The following UBL3 variants were observed in gnomAD, a reference collection of about 807,000 sequenced individuals.
UBL3 encodes ubiquitin like 3.
A neutral mutation model predicts 18.4 loss-of-function variants in UBL3; 6 were observed. That is an observed-to-expected ratio of 0.33 (90% CI 0.18 to 0.64). The LOEUF (loss-of-function observed/expected upper bound fraction) is 0.64, where lower values mean the gene tolerates loss of function less well. Ranked by LOEUF, UBL3 falls within the 30% of genes least tolerant of loss-of-function variation. UBL3 has a pLI of 0.76. For synonymous variants in UBL3, 49 were observed against 46.6 expected (o/e 1.05, Z -0.21); for missense variants, 109 against 142.9 (o/e 0.76, Z 1.21).
intron 1 of UBL3, among the ~76,000 whole-genome samples, chr13:29,780,367 A>AAAAAAAAAATATAT (rs1359464345): frequency 3.0e-4 from 31 of 103,296 alleles, no homozygotes; most frequent in East Asian, 1.5e-3. Flanking sequence ...AAAAAAAAAA[A>AAAAAAAAAATATAT]ATATATATAT....
Position 29,849,651 on chromosome 13 carries a change from T to C in UBL3, c.-113A>G. 1.5e-6 allele frequency: 2 copies of C among 1,370,408 alleles called. No individual in the cohort carries two copies. Among genetic ancestry groups the C allele is most frequent in the Non-Finnish European group, 2.0e-6 (2 of 981,168 alleles). 84.9% of individuals were successfully genotyped at this position (1,370,408 alleles called of 1,614,324 possible). A position where few individuals can be genotyped will look rare whatever the true frequency, so the allele number is the denominator to read the frequency against. The stretch of plus-strand genomic sequence containing the variant: ...CGATTTTGACTGGTTCGTGATGTGC[T>C]TTCTCCCCCAAAAATAAAGTTATTT... On this transcript the variant is annotated 5_prime_UTR_variant, in exon 1 of 5. Coordinates refer to ENST00000380680, the MANE Select transcript of UBL3 (RefSeq NM_007106.4).
At chr13:29,776,234 T>G (rs142957941) in intron 2 of UBL3, among the ~76,000 whole-genome samples, 1 of 141,878 alleles carries the variant, frequency 7.0e-6, no homozygotes, top group Admixed American at 7.1e-5. Flanking sequence ...CTATTTTGTG[T>G]TTTTTTTTCT....
At chr13:29,805,206 CTA>C (rs1358521954) in intron 1 of UBL3, among the ~76,000 whole-genome samples, 4 of 152,100 alleles carry the variant, frequency 2.6e-5, no homozygotes, top group Non-Finnish European at 5.9e-5. Flanking sequence ...AAACATACAC[CTA>C]TATCAAACTA....
In UBL3 at chr13:29,788,870, T is replaced by TGC. The variant is rs1555232763; in HGVS notation, c.28-11609_28-11608dup. ...GTGTGTGTGTGTGTGTGTGTGTGTGTGCGCGCGCGCGCGCACGCGCACGTG... is the reference window on the plus strand; with the variant it reads ...GTGTGTGTGTGTGTGTGTGTGTGTGTGCGCGCGCGCGCGCGCACGCGCACGTG... On this transcript the variant is annotated intron_variant, in intron 1 of 4. Coordinates refer to ENST00000380680, the MANE Select transcript of UBL3 (RefSeq NM_007106.4). Among the ~76,000 whole-genome samples, 28 of 20,926 alleles carry TGC rather than the reference T, an allele frequency of 1.3e-3. 1 individual carries two copies. The highest frequency in any genetic ancestry group is 0.036 in the Middle Eastern group (1 of 28). The allele number at this position is 20,926 out of a possible 152,430, so 13.7% of individuals were successfully genotyped here.
intron 1 of UBL3, among the ~76,000 whole-genome samples, chr13:29,782,793 A>AT (rs1718316499): frequency 6.6e-6 from 1 of 152,252 alleles, no homozygotes; most frequent in African/African-American, 2.4e-5. Context: ...GTGTAAATAC[A>AT]TAAGTCTAAA....
At chr13:29,777,613 T>A in intron 1 of UBL3, 1 of 244,238 alleles carries the variant, frequency 4.1e-6, no homozygotes, top group South Asian at 4.8e-5. Flanking sequence ...TACCCAAAAA[T>A]TAATAAAAAT....
At chr13:29,839,414 A>C (rs1359361935) in intron 1 of UBL3, among the ~76,000 whole-genome samples, 1 of 152,212 alleles carries the variant, frequency 6.6e-6, no homozygotes, top group Non-Finnish European at 1.5e-5. Flanking sequence ...AATATACAAC[A>C]AACTTGTAAG....
At chr13:29,800,049 T>C (rs1290198914) in intron 1 of UBL3, among the ~76,000 whole-genome samples, 3 of 152,220 alleles carry the variant, frequency 2.0e-5, no homozygotes, top group African/African-American at 7.2e-5. Context: ...GGGATGACTA[T>C]ACTAACATCC....
chr13:29,769,040 A>G (rs1220385794), intron 3 of UBL3, among the ~76,000 whole-genome samples: 1 of 152,040 alleles, frequency 6.6e-6, no homozygotes, highest in Non-Finnish European at 1.5e-5. Flanking sequence ...TGTTTCCTCA[A>G]CTAAACTGGA....
intron 2 of UBL3, among the ~76,000 whole-genome samples, chr13:29,776,261 CTTTTTTTTT>C: frequency 1.1e-5 from 1 of 91,698 alleles, no homozygotes; most frequent in Non-Finnish European, 2.1e-5. Flanking sequence ...TCTTTTCTTT[CTTTTTTTTT>C]TTTTTTTTTT....
intron 1 of UBL3, among the ~76,000 whole-genome samples, chr13:29,813,800 A>T (rs537784912): frequency 9.2e-5 from 14 of 152,178 alleles, no homozygotes; most frequent in Non-Finnish European, 1.9e-4. Context: ...AATTCCTCAA[A>T]CTGCTACTTT....
intron 1 of UBL3, among the ~76,000 whole-genome samples, chr13:29,831,346 T>C (rs966049141): frequency 3.3e-5 from 5 of 152,074 alleles, no homozygotes; most frequent in Admixed American, 2.6e-4. Context: ...TCCCAGCACT[T>C]TGGGAGGCCG....
At chr13:29,791,924 G>GA (rs1404133043) in intron 1 of UBL3, among the ~76,000 whole-genome samples, 2 of 152,258 alleles carry the variant, frequency 1.3e-5, no homozygotes, top group East Asian at 3.9e-4. Flanking sequence ...AAATCAATCT[G>GA]AAAACTTAAA....
At chr13:29,822,104 A>C (rs1347073568) in intron 1 of UBL3, among the ~76,000 whole-genome samples, 1 of 152,250 alleles carries the variant, frequency 6.6e-6, no homozygotes, top group East Asian at 1.9e-4. Flanking sequence ...ATAAATTAGC[A>C]GACATTGAAC....
intron 2 of UBL3, among the ~76,000 whole-genome samples, chr13:29,774,397 C>T (rs144995629): frequency 1.5e-3 from 229 of 151,582 alleles, no homozygotes; most frequent in African/African-American, 5.2e-3. Context: ...TTACTATGAC[C>T]GCTCCCCCCA....
At chr13:29,790,258 T>C (rs1877447211) in intron 1 of UBL3, among the ~76,000 whole-genome samples, 1 of 152,238 alleles carries the variant, frequency 6.6e-6, no homozygotes, top group African/African-American at 2.4e-5. Context: ...ACCAATTCAT[T>C]CTTATCAGTC....
chr13:29,786,807 C>A (rs1464360192), intron 1 of UBL3, among the ~76,000 whole-genome samples: 5 of 152,084 alleles, frequency 3.3e-5, no homozygotes, highest in Non-Finnish European at 5.9e-5. Context: ...ATGTTAATAT[C>A]AAATCCTTAT....
Position 29,850,083 on chromosome 13 carries a change from C to T in UBL3, c.-545G>A, listed in dbSNP as rs1486295176. On this transcript the variant is annotated 5_prime_UTR_variant, in exon 1 of 5. Transcript: ENST00000380680. Reference sequence around the variant, plus strand: ...GCCGCGGACCCTGCAGAGCCGCTGTCGGAGCGCCCGCGCGGACAGCGCGGG... The same window carrying T: ...GCCGCGGACCCTGCAGAGCCGCTGTTGGAGCGCCCGCGCGGACAGCGCGGG... The T allele has an allele frequency of 6.6e-6, 1 of 152,392 alleles. No homozygotes were observed. Among genetic ancestry groups the T allele is most frequent in the Non-Finnish European group, 1.5e-5 (1 of 68,146 alleles). The allele number at this position is 152,392 out of a possible 1,614,324, so 9.4% of individuals were successfully genotyped here.
intron 4 of UBL3, among the ~76,000 whole-genome samples, 153 bp downstream of exon 4, chr13:29,767,465 G>C (rs1345846851): frequency 2.0e-5 from 3 of 152,026 alleles, no homozygotes; most frequent in Non-Finnish European, 4.4e-5. Context: ...TTTAATTTTA[G>C]CATGTTTCAA....
Sources: gnomAD v4.1 joint callset for allele counts (sites outside exome capture counted in the v4.1 genomes callset) on GRCh38, gnomAD v4.1.1 for gene constraint, MANE v1.5 for transcripts, NCBI Gene and HGNC (gene_info 2026-07-23, HGNC 2026-07-21) for gene names.